Variants in PRAMEF19 observed in about 807,000 individuals in gnomAD.
The protein encoded by PRAMEF19 is PRAME family member-like.
PRAMEF19 carries 21 observed loss-of-function variants against 33.1 expected under a neutral mutation model. The observed-to-expected ratio is 0.63, with a 90% confidence interval of 0.45 to 0.91. The LOEUF (loss-of-function observed/expected upper bound fraction) is 0.91. PRAMEF19 is among the 40% of genes least tolerant of loss of function. The pLI is 0.00. For synonymous variants in PRAMEF19, 179 were observed against 229.3 expected (o/e 0.78, Z 1.98); for missense variants, 481 against 585.2 (o/e 0.82, Z 1.84).
Position 13,369,637 on chromosome 1 carries a change from G to T in PRAMEF19, c.870C>A (p.Cys290Ter). The change falls in exon 3 of 3, where the codon TGC (cysteine) becomes TGA (stop). Residue 290 changes from cysteine (C) to a stop codon, truncating the protein, a stop_gained. Coordinates refer to ENST00000376101, the Ensembl canonical transcript of PRAMEF19. LOFTEE classifies it high-confidence loss of function. ...CCAATGTCTCCAACGGGCTCTTGAG[G>T]CACCTGGGGAGAGCAAGAAGTTAGT... 1.9e-6 allele frequency: 3 copies of T among 1,613,900 alleles called. No individual in the cohort carries two copies. The highest frequency in any genetic ancestry group is 2.5e-6 in the Non-Finnish European group (3 of 1,179,872).
chr1:13,368,750 T>G (rs770712852), downstream of PRAMEF19, among the ~76,000 whole-genome samples: 1,081 of 152,046 alleles, frequency 7.1e-3, 13 homozygotes, highest in African/African-American at 0.025. Flanking sequence ...CCCTGCTGGG[T>G]TTTTTTGTGT....
exon 2 of PRAMEF19, chr1:13,371,169 A>G (rs1427321168): frequency 6.2e-7 from 1 of 1,612,282 alleles, no homozygotes; most frequent in Non-Finnish European, 8.5e-7. Flanking sequence ...GCTCCAGACC[A>G]TATGGTCCAA....
exon 1 of PRAMEF19, chr1:13,371,648 T>A: frequency 6.2e-7 from 1 of 1,610,540 alleles, no homozygotes. Context: ...AGGCAATCAA[T>A]CCCATCCACT....
chr1:13,370,433 C>G (rs1640656102), intron 2 of PRAMEF19, among the ~76,000 whole-genome samples: 1 of 152,190 alleles, frequency 6.6e-6, no homozygotes, highest in African/African-American at 2.4e-5. Flanking sequence ...ATGTCCCTCT[C>G]TGTAGCGTCT....
downstream of PRAMEF19, chr1:13,369,004 A>T (rs1223289517): frequency 6.3e-6 from 10 of 1,589,968 alleles, no homozygotes; most frequent in African/African-American, 8.2e-5. Context: ...AATAAAAGAT[A>T]TCTATGTCCT....
exon 3 of PRAMEF19, chr1:13,369,562 C>A (rs1438490822): frequency 8.7e-6 from 14 of 1,613,748 alleles, no homozygotes; most frequent in Non-Finnish European, 1.2e-5. Flanking sequence ...GACTTGGGTA[C>A]CAGGGCAGAC....
chr1:13,369,205 C>G, exon 3 of PRAMEF19: 1 of 1,612,036 alleles, frequency 6.2e-7, no homozygotes. Flanking sequence ...TCAGCTCAGC[C>G]TGAAGTGGGG....
chr1:13,371,713 C>T, exon 1 of PRAMEF19: 2 of 1,609,208 alleles, frequency 1.2e-6, no homozygotes, highest in Non-Finnish European at 1.7e-6. Context: ...CAGAGGGAGG[C>T]AGGGGAAGGG....
At chr1:13,368,996 T>G, downstream of PRAMEF19, 1 of 1,570,510 alleles carries the variant, frequency 6.4e-7, no homozygotes, top group Non-Finnish European at 8.6e-7. Context: ...AAAAGAAAAA[T>G]AAAAGATATC....
chr1:13,370,396 A>AC (rs1188081862), intron 2 of PRAMEF19, among the ~76,000 whole-genome samples: 3 of 151,246 alleles, frequency 2.0e-5, no homozygotes, highest in Non-Finnish European at 3.0e-5. Flanking sequence ...CTGGAGCTGA[A>AC]CCCCCCACTA....
At chr1:13,369,427 C>A (rs759950915) in exon 3 of PRAMEF19, 1 of 1,613,482 alleles carries the variant, frequency 6.2e-7, no homozygotes, top group South Asian at 1.1e-5. Context: ...AGTCCCCAAT[C>A]CCACAGTCCA....
At position 13,371,604 on chromosome 1, in the gene PRAMEF19, G is replaced by T. The variant is rs2100385423; in HGVS notation, c.287+10C>A. 4 of 1,610,792 alleles carry T rather than the reference G, an allele frequency of 2.5e-6. No individual in the cohort carries two copies. Among genetic ancestry groups the T allele is most frequent in the African/African-American group, 2.7e-5 (2 of 74,246 alleles). On this transcript the variant is annotated intron_variant, in intron 1 of 2. Transcript: ENST00000376101. ...GGACACCTGGGCCCTCCCCACCTGGGTCACCTCACCTGGGGCGAACCTTTT... is the reference window on the plus strand; with the variant it reads ...GGACACCTGGGCCCTCCCCACCTGGTTCACCTCACCTGGGGCGAACCTTTT...
exon 3 of PRAMEF19, chr1:13,369,332 T>C: frequency 6.2e-7 from 1 of 1,612,060 alleles, no homozygotes. Flanking sequence ...CTTCAGACCA[T>C]CCATGGACGT....
chr1:13,370,491 A>G (rs1257731576), intron 2 of PRAMEF19, among the ~76,000 whole-genome samples, 158 bp downstream of exon 2: 6,569 of 151,326 alleles, frequency 0.043, 310 homozygotes, highest in East Asian at 0.25. Context: ...TGTGATACCC[A>G]CTTCAGGATA....
At chr1:13,369,349 G>C in exon 3 of PRAMEF19, 1 of 1,612,114 alleles carries the variant, frequency 6.2e-7, no homozygotes, top group Admixed American at 1.7e-5. Context: ...ACGTGTCATT[G>C]CCGTGAAAGC....
At chr1:13,370,717 C>A (rs1640661047) in exon 2 of PRAMEF19, 1 of 1,613,826 alleles carries the variant, frequency 6.2e-7, no homozygotes, top group African/African-American at 1.3e-5. Context: ...GGAGGTACTC[C>A]AGCCTGAGGA....
intron 1 of PRAMEF19, 74 bp downstream of exon 1, chr1:13,371,540 C>T: frequency 6.2e-7 from 1 of 1,606,338 alleles, no homozygotes; most frequent in East Asian, 2.3e-5. Flanking sequence ...CTGGGCCACC[C>T]CAGGTTCCCA....
At chr1:13,369,117 G>C in exon 3 of PRAMEF19, 1 of 1,612,012 alleles carries the variant, frequency 6.2e-7, no homozygotes, top group African/African-American at 1.3e-5. Context: ...TGCTCAGTGG[G>C]TGACATGCCA....
exon 2 of PRAMEF19, chr1:13,370,684 G>C (rs1482339256): frequency 6.2e-7 from 1 of 1,613,932 alleles, no homozygotes; most frequent in East Asian, 2.2e-5. Context: ...CGAAGAAGCG[G>C]ATCCTTCTCA....
Sources: allele counts gnomAD v4.1 joint callset (sites outside exome capture counted in the v4.1 genomes callset), GRCh38; gene constraint gnomAD v4.1.1; transcripts MANE v1.5; gene names NCBI Gene and HGNC (gene_info 2026-07-23, HGNC 2026-07-21).